The following PPP1R12B variants were observed in gnomAD, a reference collection of about 807,000 sequenced individuals.
PPP1R12B encodes protein phosphatase 1 regulatory subunit 12B, also known as myosin phosphatase target subunit 2.
A neutral mutation model predicts 126.1 loss-of-function variants in PPP1R12B; 76 were observed. That is an observed-to-expected ratio of 0.60 (90% CI 0.50 to 0.73). The LOEUF is 0.73. Ranked by LOEUF, PPP1R12B falls within the 30% of genes least tolerant of loss-of-function variation. The pLI is 0.00. For synonymous variants in PPP1R12B, 356 were observed against 434.7 expected (o/e 0.82, Z 2.25); for missense variants, 1,052 against 1,205.1 (o/e 0.87, Z 1.88).
rs188613842 is a variant in PPP1R12B, at chr1:202,461,720, T to C, written c.1850+12549T>C. 3.1e-4 allele frequency among the ~76,000 whole-genome samples: 47 copies of C among 152,304 alleles called. 1 individual carries two copies. The highest frequency in any genetic ancestry group is 1.4e-3 in the Admixed American group (21 of 15,286). ...TCCTTACCAATTATTTATAATGTTA[T>C]ACATTATTTTCTGCAGCCCTAAGGG... On this transcript the variant is annotated intron_variant, in intron 13 of 23. Coordinates refer to ENST00000608999, the MANE Select transcript of PPP1R12B (RefSeq NM_002481.4).
intron 1 of PPP1R12B, among the ~76,000 whole-genome samples, chr1:202,410,790 T>C (rs1667281042): frequency 6.6e-6 from 1 of 152,210 alleles, no homozygotes; most frequent in Non-Finnish European, 1.5e-5. Context: ...AATAGTTCCT[T>C]CATACTAGTA....
intron 23 of PPP1R12B, chr1:202,577,054 G>A (rs1195570007): frequency 6.6e-6 from 1 of 152,206 alleles, no homozygotes; most frequent in Admixed American, 6.5e-5. Flanking sequence ...CCCCAGCATT[G>A]CAGCTGAGGG....
In PPP1R12B at chr1:202,430,727, C is replaced by G. The variant is rs1268257097; in HGVS notation, c.922-4C>G. The G allele has an allele frequency of 2.5e-6, 4 of 1,611,542 alleles. No homozygotes were observed. The African/African-American group carries it at 5.3e-5, about 22-fold the overall frequency. On this transcript the variant is annotated splice_region_variant and splice_polypyrimidine_tract_variant and intron_variant, in intron 6 of 23. Transcript: ENST00000608999. ...CCTTTTCTCTCTGTTTTCTCCATTT[C>G]CAGCTTCGAAGTGAAAAGGAGACAC...
chr1:202,505,874 A>C (rs1366605644), intron 18 of PPP1R12B, among the ~76,000 whole-genome samples: 2 of 152,152 alleles, frequency 1.3e-5, no homozygotes, highest in African/African-American at 4.8e-5. Context: ...TTAAAAGGGA[A>C]AGATAGCTCG....
Position 202,508,810 on chromosome 1 carries a change from G to A in PPP1R12B, c.2490+11988G>A, listed in dbSNP as rs1207316401. ...AAGCAGATGTTTATACCTATTCTCCGGCAGAACATGTTGGTGGTGGGACAG... is the reference window on the plus strand; with the variant it reads ...AAGCAGATGTTTATACCTATTCTCCAGCAGAACATGTTGGTGGTGGGACAG... On this transcript the variant is annotated intron_variant, in intron 18 of 23. Transcript: ENST00000608999. The surrounding 1 kb of genome is among the most constrained non-coding windows in gnomAD (Gnocchi z 4.5). 3.3e-5 allele frequency among the ~76,000 whole-genome samples: 5 copies of A among 152,150 alleles called. No individual in the cohort carries two copies. The highest frequency in any genetic ancestry group is 4.8e-5 in the African/African-American group (2 of 41,436).
In PPP1R12B at chr1:202,452,143, G is replaced by A. The variant is rs544518257; in HGVS notation, c.1850+2972G>A. ...CAGAGACGCTCCTCACTTTCCAGAC[G>A]GGGTGGCGGCCGGGCAGAGGCTGCA... On this transcript the variant is annotated intron_variant, in intron 13 of 23. Coordinates refer to ENST00000608999, the MANE Select transcript of PPP1R12B (RefSeq NM_002481.4). 1.4e-3 allele frequency among the ~76,000 whole-genome samples: 217 copies of A among 152,028 alleles called. 1 individual carries two copies. The highest frequency in any genetic ancestry group is 4.9e-3 in the African/African-American group (205 of 41,456).
chr1:202,449,996 A>G (rs1333893356), intron 13 of PPP1R12B, among the ~76,000 whole-genome samples: 1 of 152,192 alleles, frequency 6.6e-6, no homozygotes, highest in East Asian at 1.9e-4. Flanking sequence ...GTCGTTATGG[A>G]TTTAAGCATA....
At chr1:202,510,234 G>A (rs1009730836) in intron 18 of PPP1R12B, among the ~76,000 whole-genome samples, 1 of 152,022 alleles carries the variant, frequency 6.6e-6, no homozygotes, top group Non-Finnish European at 1.5e-5. Context: ...TATCCAGCAA[G>A]CTGAGCCATT....
intron 1 of PPP1R12B, among the ~76,000 whole-genome samples, chr1:202,405,379 C>A (rs147184412): frequency 6.6e-6 from 1 of 152,238 alleles, no homozygotes; most frequent in East Asian, 1.9e-4. Flanking sequence ...TGTACAGGAA[C>A]TTACATAGAG....
intron 18 of PPP1R12B, among the ~76,000 whole-genome samples, chr1:202,556,175 C>A (rs1002601202): frequency 3.9e-5 from 6 of 152,130 alleles, no homozygotes; most frequent in African/African-American, 1.4e-4. Context: ...TGCACCTGGC[C>A]TAATACGATA....
In PPP1R12B at chr1:202,588,980, A is replaced by G. The variant is rs886567180; in HGVS notation, c.*8420A>G. 3 of 152,020 alleles carry G rather than the reference A, an allele frequency of 2.0e-5. No individual in the cohort carries two copies. The highest frequency in any genetic ancestry group is 7.2e-5 in the African/African-American group (3 of 41,380). 9.4% of individuals were successfully genotyped at this position (152,020 alleles called of 1,614,324 possible). A position where few individuals can be genotyped will look rare whatever the true frequency, so the allele number is the denominator to read the frequency against. On this transcript the variant is annotated 3_prime_UTR_variant, in exon 24 of 24. Coordinates refer to ENST00000608999, the MANE Select transcript of PPP1R12B (RefSeq NM_002481.4). ...AGGCCATCCAGGTGAACACTAGCAC[A>G]CTCTAGTACATGGGAAAGTTGAGGT...
At chr1:202,497,767 A>G (rs1185544328) in intron 18 of PPP1R12B, among the ~76,000 whole-genome samples, 1 of 152,160 alleles carries the variant, frequency 6.6e-6, no homozygotes. Flanking sequence ...TGGTGTGGAA[A>G]TAGTATATAG....
chr1:202,544,615 G>T (rs1444147041), intron 18 of PPP1R12B, among the ~76,000 whole-genome samples: 1 of 152,118 alleles, frequency 6.6e-6, no homozygotes, highest in Admixed American at 6.5e-5. Flanking sequence ...ATTGGTATTT[G>T]TTATAATAGG....
At position 202,493,168 on chromosome 1, in the gene PPP1R12B, G is replaced by A; in HGVS notation, c.1996G>A (p.Ala666Thr). The A allele has an allele frequency of 2.5e-6, 4 of 1,612,238 alleles. No homozygotes were observed. The highest frequency in any genetic ancestry group is 2.2e-5 in the East Asian group (1 of 44,882). The change falls in exon 15 of 24, where the codon GCA (alanine) becomes ACA (threonine). Residue 666 changes from alanine (A) to threonine (T), a missense_variant. Ala to Thr is a moderately conservative substitution (Grantham distance 58, BLOSUM62 0). Coordinates refer to ENST00000608999, the MANE Select transcript of PPP1R12B (RefSeq NM_002481.4). ...EAERTFSRSR[A>T]ERQAQEQPRE... ...AGAAAGGACATTCAGCCGGTCGAGG[G>A]CAGAGAGGCAAGCTCAGGAGCAGCC... is the stretch of plus-strand genomic sequence containing the variant.
At chr1:202,520,656 G>C (rs1184681129) in intron 18 of PPP1R12B, among the ~76,000 whole-genome samples, 1 of 152,102 alleles carries the variant, frequency 6.6e-6, no homozygotes, top group African/African-American at 2.4e-5. Flanking sequence ...GAGTATATAT[G>C]CTAATGTTTA....
intron 12 of PPP1R12B, among the ~76,000 whole-genome samples, chr1:202,446,228 CTCTCTCTCTA>C (rs1473233437): frequency 1.6e-5 from 1 of 63,964 alleles, no homozygotes; most frequent in African/African-American, 7.1e-5. Context: ...CTCTCTCTCT[CTCTCTCTCTA>C]TATATATATA....
intron 2 of PPP1R12B, 71 bp downstream of exon 2, chr1:202,416,988 G>A: frequency 2.7e-6 from 4 of 1,460,228 alleles, no homozygotes; most frequent in Non-Finnish European, 3.7e-6. Flanking sequence ...TCTATTCTTA[G>A]GAATTTGAAT....
At chr1:202,447,568 C>G (rs1672440382) in intron 12 of PPP1R12B, among the ~76,000 whole-genome samples, 2 of 152,220 alleles carry the variant, frequency 1.3e-5, no homozygotes, top group Non-Finnish European at 2.9e-5. Context: ...TTATCCTACT[C>G]CATTGCATAT....
chr1:202,399,972 AG>A (rs1284283304), intron 1 of PPP1R12B, among the ~76,000 whole-genome samples: 2 of 151,878 alleles, frequency 1.3e-5, no homozygotes, highest in Non-Finnish European at 2.9e-5. Context: ...AGTACCCAAT[AG>A]TTAGTTTTTC....
Sources: gnomAD v4.1 joint callset for allele counts (sites outside exome capture counted in the v4.1 genomes callset) on GRCh38, gnomAD v4.1.1 for gene constraint, Gnocchi (gnomAD v3.1) non-coding constraint, MANE v1.5 for transcripts, NCBI Gene and HGNC (gene_info 2026-07-23, HGNC 2026-07-21) for gene names.